DCBLD1: variants seen among roughly 807,000 people sequenced by gnomAD.
The protein encoded by DCBLD1 is discoidin, CUB and LCCL domain-containing protein 1.
DCBLD1 carries 57 observed loss-of-function variants against 71.5 expected under a neutral mutation model. The observed-to-expected ratio is 0.80, with a 90% CI of 0.64 to 0.99. The LOEUF (loss-of-function observed/expected upper bound fraction) is 0.99. Ranked by LOEUF, DCBLD1 falls within the 50% of genes least tolerant of loss-of-function variation. DCBLD1 has a pLI of 0.00. For missense variants in DCBLD1, 891 were observed against 923.5 expected (o/e 0.96, Z 0.46); for synonymous variants, 380 against 363.8 (o/e 1.04, Z -0.51).
intron 14 of DCBLD1, among the ~76,000 whole-genome samples, chr6:117,564,506 A>G (rs146911552): frequency 5.3e-5 from 8 of 152,344 alleles, no homozygotes; most frequent in Middle Eastern, 3.4e-3. Context: ...AATAAATAAT[A>G]GGCTTATAAA....
At chr6:117,547,852 G>T (rs1313967625) in intron 14 of DCBLD1, 55 bp from the exon 15 acceptor site, 12 of 1,549,870 alleles carry the variant, frequency 7.7e-6, no homozygotes, top group Non-Finnish European at 1.0e-5. Flanking sequence ...GTCTGCCACT[G>T]ACAGGCCGGC....
intron 2 of DCBLD1, among the ~76,000 whole-genome samples, chr6:117,519,392 T>TA (rs752879596): frequency 6.6e-6 from 1 of 152,242 alleles, no homozygotes; most frequent in South Asian, 2.1e-4. Context: ...ATAAAATTCT[T>TA]ACCATGCTTT....
chr6:117,540,483 C>T (rs1357762074), intron 9 of DCBLD1, 185 bp from the exon 10 acceptor site: 1 of 615,684 alleles, frequency 1.6e-6, no homozygotes, highest in Non-Finnish European at 2.8e-6. Context: ...TGAGCAGCAC[C>T]ACCTTAGTTA....
At chr6:117,539,790 G>C (rs564542855) in intron 9 of DCBLD1, 1 of 154,660 alleles carries the variant, frequency 6.5e-6, no homozygotes, top group Admixed American at 6.5e-5. Context: ...ATGATGATGG[G>C]CTGGTCGCGC....
chr6:117,514,351 C>G (rs1175449532), intron 2 of DCBLD1, among the ~76,000 whole-genome samples: 1 of 152,148 alleles, frequency 6.6e-6, no homozygotes, highest in Non-Finnish European at 1.5e-5. Flanking sequence ...TGTTTGTAAT[C>G]CCAGCACTTT....
chr6:117,530,918 AT>A (rs1260341275), intron 5 of DCBLD1, among the ~76,000 whole-genome samples: 1 of 151,984 alleles, frequency 6.6e-6, no homozygotes, highest in Non-Finnish European at 1.5e-5. Context: ...TTCCTCCAAG[AT>A]TAGGGAGGGT....
chr6:117,501,251 T>C (rs1171679271), intron 1 of DCBLD1, among the ~76,000 whole-genome samples: 1 of 152,194 alleles, frequency 6.6e-6, no homozygotes, highest in Non-Finnish European at 1.5e-5. Context: ...CTAGGGTGTT[T>C]GGCTCCTTTC....
intron 8 of DCBLD1, 46 bp downstream of exon 8, chr6:117,538,881 CTG>C (rs1415788320): frequency 3.9e-6 from 6 of 1,557,448 alleles, no homozygotes; most frequent in Admixed American, 1.9e-5. Context: ...AGTTTCATGA[CTG>C]TAAATGACTC....
chr6:117,509,368 G>A (rs1002228543), intron 2 of DCBLD1, among the ~76,000 whole-genome samples: 3 of 152,146 alleles, frequency 2.0e-5, no homozygotes, highest in Non-Finnish European at 4.4e-5. Context: ...GATGGTCAAG[G>A]CTACAGTGAG....
intron 2 of DCBLD1, among the ~76,000 whole-genome samples, chr6:117,505,611 G>A (rs1777814732): frequency 6.6e-6 from 1 of 152,212 alleles, no homozygotes; most frequent in Admixed American, 6.5e-5. Context: ...GAGAATGGAT[G>A]TGGCTTTCCC....
At chr6:117,568,796 G>A (rs1779749282) in intron 14 of DCBLD1, among the ~76,000 whole-genome samples, 1 of 152,174 alleles carries the variant, frequency 6.6e-6, no homozygotes. Flanking sequence ...TCCCTGTAAT[G>A]TAATTATTGA....
intron 5 of DCBLD1, among the ~76,000 whole-genome samples, chr6:117,528,684 C>T (rs1322098187): frequency 6.6e-6 from 1 of 152,202 alleles, no homozygotes; most frequent in Non-Finnish European, 1.5e-5. Context: ...AAGGTATTCT[C>T]TTCAGCTGGC....
At chr6:117,553,833 T>G (rs966851827), downstream of DCBLD1, among the ~76,000 whole-genome samples, 1 of 152,232 alleles carries the variant, frequency 6.6e-6, no homozygotes, top group African/African-American at 2.4e-5. Flanking sequence ...TATCAAGAAC[T>G]AGTATGGCCT....
intron 2 of DCBLD1, among the ~76,000 whole-genome samples, chr6:117,509,926 G>A (rs1338711894): frequency 6.6e-6 from 1 of 152,134 alleles, no homozygotes; most frequent in Admixed American, 6.6e-5. Context: ...ATTCAATTTG[G>A]TTGTTTTATT....
chr6:117,535,649 A>G (rs776789561), intron 6 of DCBLD1, among the ~76,000 whole-genome samples: 11 of 152,140 alleles, frequency 7.2e-5, no homozygotes, highest in Non-Finnish European at 1.0e-4. Context: ...TCCTTTCCAT[A>G]CTTTTTGGTC....
intron 5 of DCBLD1, among the ~76,000 whole-genome samples, chr6:117,531,473 A>G (rs1251475018): frequency 1.3e-5 from 2 of 152,160 alleles, no homozygotes; most frequent in African/African-American, 4.8e-5. Flanking sequence ...CCAATCCCAC[A>G]ACCGCCTGTA....
intron 1 of DCBLD1, among the ~76,000 whole-genome samples, chr6:117,502,087 C>T (rs560085375): frequency 2.0e-5 from 3 of 152,316 alleles, no homozygotes; most frequent in Non-Finnish European, 4.4e-5. Flanking sequence ...GCCTACTGCT[C>T]CTCTGATCCA....
intron 2 of DCBLD1, among the ~76,000 whole-genome samples, chr6:117,518,524 C>T (rs1285183466): frequency 1.3e-5 from 2 of 152,110 alleles, no homozygotes; most frequent in Admixed American, 6.6e-5. Context: ...TGTATTAGTC[C>T]GTTTTCATGC....
chr6:117,543,095 G>A (rs749269810), intron 11 of DCBLD1, 29 bp from the exon 12 acceptor site: 2 of 1,585,498 alleles, frequency 1.3e-6, no homozygotes, highest in Admixed American at 1.7e-5. Flanking sequence ...CATTTATGTT[G>A]TAACGTGATG....
Sources: gnomAD v4.1 joint callset for allele counts (sites outside exome capture counted in the v4.1 genomes callset) on GRCh38, gnomAD v4.1.1 for gene constraint, MANE v1.5 for transcripts, NCBI Gene and HGNC (gene_info 2026-07-23, HGNC 2026-07-21) for gene names.